The following SOS2 variants were observed in gnomAD, a reference collection of about 807,000 sequenced individuals.
The protein encoded by SOS2 is son of sevenless homolog 2.
A neutral mutation model predicts 148.2 loss-of-function variants in SOS2; 65 were observed. The observed-to-expected ratio is 0.44, with a 90% CI of 0.36 to 0.54. The LOEUF (loss-of-function observed/expected upper bound fraction) is 0.54, where lower values mean the gene tolerates loss of function less well. Among genes scored for constraint, SOS2 ranks in the 20% least tolerant of loss-of-function variants. The probability of loss-of-function intolerance (pLI) is 0.00; values close to 1 mark genes in which losing one functional copy is unlikely to be tolerated. For missense variants in SOS2, 1,341 were observed against 1,590.2 expected, an observed-to-expected ratio of 0.84 and a Z score of 2.67; for synonymous variants, 539 against 537.1, an observed-to-expected ratio of 1.00 and a Z score of -0.05.
In SOS2 at chr14:50,171,525, A is replaced by C. The variant is rs560234555; in HGVS notation, c.1068+2929T>G. ...ATGGTGAAACCCTGTCTATACTAAAAATACAAAAATTAGCTGGGCATGGTG... is the reference window on the plus strand; with the variant it reads ...ATGGTGAAACCCTGTCTATACTAAACATACAAAAATTAGCTGGGCATGGTG... On this transcript the variant is annotated intron_variant, in intron 8 of 22. Transcript: ENST00000216373. 6.6e-5 allele frequency among the ~76,000 whole-genome samples: 10 copies of C among 152,078 alleles called. No individual in the cohort carries two copies. The East Asian group carries it at 1.7e-3, about 27-fold the overall frequency.
rs1038404925 is a variant in SOS2 at position 50,199,664 on chromosome 14, T to A, written c.510+27A>T. On this transcript the variant is annotated intron_variant, in intron 4 of 22. Coordinates refer to ENST00000216373, the MANE Select transcript of SOS2 (RefSeq NM_006939.4). ...AAATTAGTATAGTTGCTATTCAAGT[T>A]AAATTTAAATACCTTGTAACACTTA... 6.9e-6 allele frequency: 10 copies of A among 1,444,274 alleles called. No individual in the cohort carries two copies. The Admixed American group carries it at 1.8e-4, about 26-fold the overall frequency. 89.5% of individuals were successfully genotyped at this position (1,444,274 alleles called of 1,614,324 possible). A position where few individuals can be genotyped will look rare whatever the true frequency, so the allele number is the denominator to read the frequency against.
intron 19 of SOS2, 114 bp from the exon 20 acceptor site, chr14:50,130,876 G>A (rs1284855417): frequency 1.2e-5 from 10 of 825,688 alleles, no homozygotes; most frequent in Admixed American, 1.2e-4. Context: ...GTTCTTAAGC[G>A]TGCAGTCCTT....
At chr14:50,172,271 T>C (rs1177342681) in intron 8 of SOS2, among the ~76,000 whole-genome samples, 1 of 152,190 alleles carries the variant, frequency 6.6e-6, no homozygotes, top group Non-Finnish European at 1.5e-5. Flanking sequence ...TTGCCATTTC[T>C]AATCTCTTCT....
chr14:50,193,567 CTCTG>C (rs937044220), intron 4 of SOS2, among the ~76,000 whole-genome samples: 5 of 152,030 alleles, frequency 3.3e-5, no homozygotes, highest in South Asian at 2.1e-4. Context: ...TTCTCAAGTT[CTCTG>C]TCTGGCAAAT....
chr14:50,227,127 G>C (rs924890075), intron 1 of SOS2, among the ~76,000 whole-genome samples: 3 of 151,722 alleles, frequency 2.0e-5, no homozygotes, highest in Admixed American at 6.6e-5. Flanking sequence ...TCTAGGTGAG[G>C]TTCTATTTTA....
chr14:50,208,413 A>C lies in SOS2; in HGVS notation c.88-4004T>G, dbSNP rs200854040. Among the ~76,000 whole-genome samples the C allele has an allele frequency of 7.2e-5, 11 of 152,304 alleles. No homozygotes were observed. The East Asian group carries it at 2.1e-3, about 29-fold the overall frequency. ...AGACCTGTAATCCCAGCACTTTGGG[A>C]GGCTGAGACGGGGGGATCACAAGGT... On this transcript the variant is annotated intron_variant, in intron 1 of 22. Transcript: ENST00000216373.
intron 21 of SOS2, among the ~76,000 whole-genome samples, chr14:50,121,241 C>T (rs920072680): frequency 6.6e-6 from 1 of 152,116 alleles, no homozygotes; most frequent in Admixed American, 6.5e-5. Flanking sequence ...CTAAACAGAT[C>T]AACCAGACAT....
intron 19 of SOS2, among the ~76,000 whole-genome samples, chr14:50,133,564 A>C (rs1461789628): frequency 6.6e-6 from 1 of 152,070 alleles, no homozygotes; most frequent in Non-Finnish European, 1.5e-5. Context: ...GCATGAAACT[A>C]CCTGACTTCC....
chr14:50,132,237 C>A (rs925835762), intron 19 of SOS2, among the ~76,000 whole-genome samples: 129 of 151,750 alleles, frequency 8.5e-4, no homozygotes, highest in African/African-American at 3.1e-3. Context: ...CAAAGGTTGG[C>A]CAAGCACAGT....
intron 8 of SOS2, among the ~76,000 whole-genome samples, chr14:50,162,896 GATTTT>G (rs1885055953): frequency 7.2e-6 from 1 of 139,854 alleles, no homozygotes; most frequent in Non-Finnish European, 1.5e-5. Flanking sequence ...CCAATGTTTT[GATTTT>G]TTTTTTTTTT....
chr14:50,192,875 A>G (rs1017413623), intron 4 of SOS2, among the ~76,000 whole-genome samples: 3 of 152,118 alleles, frequency 2.0e-5, no homozygotes, highest in Non-Finnish European at 4.4e-5. Flanking sequence ...GAAGGAAAAA[A>G]AAAAGTATAA....
At chr14:50,205,572 A>G (rs1245116100) in intron 1 of SOS2, among the ~76,000 whole-genome samples, 1 of 152,194 alleles carries the variant, frequency 6.6e-6, no homozygotes, top group East Asian at 1.9e-4. Context: ...ATTGCCAAAC[A>G]ATGATTAGTC....
At chr14:50,142,297 T>A (rs1884322083) in intron 16 of SOS2, among the ~76,000 whole-genome samples, 1 of 152,288 alleles carries the variant, frequency 6.6e-6, no homozygotes, top group South Asian at 2.1e-4. Flanking sequence ...CATGAGCCAC[T>A]GCCCCCGGCC....
In SOS2 at chr14:50,129,962, T is replaced by C. The variant is rs751230901; in HGVS notation, c.3378A>G (p.Ser1126=). The C allele has an allele frequency of 6.3e-7, 1 of 1,575,824 alleles. No homozygotes were observed. The highest frequency in any genetic ancestry group is 1.1e-5 in the South Asian group (1 of 88,256). The change falls in exon 21 of 23, where the codon TCA becomes TCG. Residue 1126 remains serine, a splice_region_variant and synonymous_variant. Coordinates refer to ENST00000216373, the MANE Select transcript of SOS2 (RefSeq NM_006939.4). ...AGAATCAACTTAAATTATACTTACT[T>C]GAATGTGGCAAAAGCACTGGAGCAA... is the stretch of plus-strand genomic sequence containing the variant. The part of the protein sequence containing the change: ...SIFAPVLLPH[S]KSFFSSCGSL...
chr14:50,217,900 A>C (rs1402686097), intron 1 of SOS2, among the ~76,000 whole-genome samples: 1 of 152,058 alleles, frequency 6.6e-6, no homozygotes, highest in African/African-American at 2.4e-5. Context: ...GCTTGCAGTG[A>C]ATCGAGATCG....
intron 19 of SOS2, among the ~76,000 whole-genome samples, chr14:50,133,065 G>A (rs1883938736): frequency 1.3e-5 from 2 of 152,056 alleles, no homozygotes; most frequent in South Asian, 4.2e-4. Context: ...TAAATTCCCA[G>A]GATCTTTAGT....
rs2139459267 is a variant in SOS2 at position 50,117,363 on chromosome 14, C to T, written c.*981G>A. 2 of 152,242 alleles carry T rather than the reference C, an allele frequency of 1.3e-5. No individual in the cohort carries two copies. Among genetic ancestry groups the T allele is most frequent in the Admixed American group, 1.3e-4 (2 of 15,296 alleles). 9.4% of individuals were successfully genotyped at this position (152,242 alleles called of 1,614,324 possible). A position where few individuals can be genotyped will look rare whatever the true frequency, so the allele number is the denominator to read the frequency against. The stretch of plus-strand genomic sequence containing the variant: ...TGTTTAATAAAGCTTTAAGTATTTG[C>T]TGGTTTAAATATTACCAATCTAAAA... On this transcript the variant is annotated 3_prime_UTR_variant, in exon 23 of 23. Coordinates refer to ENST00000216373, the MANE Select transcript of SOS2 (RefSeq NM_006939.4).
rs1884214871 is a variant in SOS2 at position 50,139,935 on chromosome 14, A to G, written c.2785+7T>C. ...CCCTCAAAATATATCCATATTTAGTAACTTACCAAAAAAAGGCACACAAGG... is the reference window on the plus strand; with the variant it reads ...CCCTCAAAATATATCCATATTTAGTGACTTACCAAAAAAAGGCACACAAGG... On this transcript the variant is annotated splice_region_variant and intron_variant, in intron 17 of 22. Transcript: ENST00000216373. The G allele has an allele frequency of 2.2e-6, 3 of 1,374,166 alleles. No homozygotes were observed. Among genetic ancestry groups the G allele is most frequent in the Non-Finnish European group, 3.1e-6 (3 of 962,758 alleles). 85.1% of individuals were successfully genotyped at this position (1,374,166 alleles called of 1,614,324 possible).
chr14:50,196,115 T>C (rs1363919352), intron 4 of SOS2, among the ~76,000 whole-genome samples: 1 of 152,084 alleles, frequency 6.6e-6, no homozygotes, highest in Non-Finnish European at 1.5e-5. Context: ...AACAAACTCA[T>C]AGAGGCAGAG....
Sources: allele counts gnomAD v4.1 joint callset (sites outside exome capture counted in the v4.1 genomes callset), GRCh38; gene constraint gnomAD v4.1.1; transcripts MANE v1.5; gene names NCBI Gene and HGNC (gene_info 2026-07-23, HGNC 2026-07-21).